The following FHIP1A variants were observed in gnomAD, a reference collection of about 807,000 sequenced individuals.
The protein encoded by FHIP1A is FHF complex subunit HOOK-interacting protein 1A.
Under a neutral mutation model 88.6 loss-of-function variants are expected in FHIP1A, and 61 were observed. The observed-to-expected ratio is 0.69, with a 90% CI of 0.56 to 0.85. The LOEUF is 0.85. FHIP1A is among the 40% of genes least tolerant of loss of function. The pLI is 0.00. For missense variants in FHIP1A, 1,154 were observed against 1,273.5 expected (o/e 0.91, Z 1.43); for synonymous variants, 478 against 496.0 (o/e 0.96, Z 0.48).
intron 3 of FHIP1A, among the ~76,000 whole-genome samples, chr4:151,565,300 C>T (rs951741290): frequency 7.2e-5 from 11 of 152,242 alleles, no homozygotes; most frequent in South Asian, 2.1e-4. Context: ...TCATATTCAC[C>T]GTACACTCTA....
intron 3 of FHIP1A, among the ~76,000 whole-genome samples, chr4:151,514,522 T>G (rs1322014777): frequency 6.6e-6 from 1 of 151,692 alleles, no homozygotes; most frequent in African/African-American, 2.4e-5. Context: ...GGAGCTGGTT[T>G]TTTGAAAGGA....
intron 1 of FHIP1A, among the ~76,000 whole-genome samples, chr4:151,445,540 T>G (rs1194075929): frequency 6.6e-6 from 1 of 151,930 alleles, no homozygotes; most frequent in Non-Finnish European, 1.5e-5. Context: ...CCAGCCCCTA[T>G]CCTCCAGGAG....
chr4:151,412,654 T>A (rs1331197776), intron 1 of FHIP1A, among the ~76,000 whole-genome samples: 1 of 109,610 alleles, frequency 9.1e-6, no homozygotes, highest in Non-Finnish European at 1.8e-5. Context: ...CTGCCTCCCT[T>A]CTTTCTTTCT....
chr4:151,584,383 G>C (rs1426345852), intron 5 of FHIP1A, among the ~76,000 whole-genome samples: 2 of 152,152 alleles, frequency 1.3e-5, no homozygotes, highest in African/African-American at 4.8e-5. Context: ...GAGTGCTGTG[G>C]GAACAGGACA....
intron 1 of FHIP1A, among the ~76,000 whole-genome samples, chr4:151,446,771 A>G (rs1728624798): frequency 6.6e-6 from 1 of 151,964 alleles, no homozygotes; most frequent in Non-Finnish European, 1.5e-5. Flanking sequence ...GCACACTATT[A>G]AAGTTGGTGT....
chr4:151,658,462 G>A (rs779069464), intron 13 of FHIP1A, among the ~76,000 whole-genome samples: 1 of 152,136 alleles, frequency 6.6e-6, no homozygotes, highest in Non-Finnish European at 1.5e-5. Context: ...GAGGTGATGG[G>A]GGTGTTTCTC....
intron 3 of FHIP1A, among the ~76,000 whole-genome samples, chr4:151,528,129 T>G: frequency 6.6e-6 from 1 of 152,238 alleles, no homozygotes. Flanking sequence ...AGCAGCTGCT[T>G]GGTTCTTTTG....
chr4:151,507,044 ATT>A (rs1301792013), intron 3 of FHIP1A, among the ~76,000 whole-genome samples: 1 of 152,122 alleles, frequency 6.6e-6, no homozygotes, highest in African/African-American at 2.4e-5. Flanking sequence ...TCTAGTTGAG[ATT>A]TCCTACCCAG....
intron 1 of FHIP1A, among the ~76,000 whole-genome samples, chr4:151,437,367 TA>T (rs1728241865): frequency 6.6e-6 from 1 of 152,078 alleles, no homozygotes; most frequent in South Asian, 2.1e-4. Flanking sequence ...ATGTTGAATA[TA>T]AGAGCCAACA....
At chr4:151,579,775 TG>T (rs1346664555) in intron 5 of FHIP1A, among the ~76,000 whole-genome samples, 2 of 152,260 alleles carry the variant, frequency 1.3e-5, no homozygotes, top group East Asian at 3.8e-4. Context: ...ATGCAATTTA[TG>T]TTTTAAAAAG....
Position 151,553,626 on chromosome 4 carries a change from A to C in FHIP1A, c.-122-12512A>C, listed in dbSNP as rs572176051. Among the ~76,000 whole-genome samples, 3 of 152,324 alleles carry C rather than the reference A, an allele frequency of 2.0e-5. No homozygotes were observed. The East Asian group carries it at 5.8e-4, about 29-fold the overall frequency. On this transcript the variant is annotated intron_variant, in intron 3 of 13. Coordinates refer to ENST00000435205, the MANE Select transcript of FHIP1A (RefSeq NM_001109977.3). ...AGACTTGACTTAACCAGGGAAATGG[A>C]ATATCTGTAGTGGCTGAAATGCGAA...
chr4:151,649,636 C>G lies in FHIP1A; in HGVS notation c.1595C>G (p.Pro532Arg). 2 of 1,551,710 alleles carry G rather than the reference C, an allele frequency of 1.3e-6. No individual in the cohort carries two copies. Among genetic ancestry groups the G allele is most frequent in the Non-Finnish European group, 1.7e-6 (2 of 1,146,988 alleles). The change falls in exon 11 of 14, where the codon CCT becomes CGT. Residue 532 changes from proline to arginine, a missense_variant. Transcript: ENST00000435205. ...CTGTATGATGGCGACTCCCCCGACC[C>G]TGAGATGTTTCTCCAGAGTCTGACG... The part of the protein sequence containing the change: ...SALYDGDSPD[P>R]EMFLQSLTEE...
chr4:151,594,926 A>G (rs1161466918), intron 7 of FHIP1A, among the ~76,000 whole-genome samples: 2 of 151,960 alleles, frequency 1.3e-5, no homozygotes, highest in African/African-American at 4.8e-5. Flanking sequence ...TTCTTTTTTT[A>G]TTAGCCTGGC....
At chr4:151,453,032 T>C (rs1728848223) in intron 1 of FHIP1A, among the ~76,000 whole-genome samples, 1 of 151,876 alleles carries the variant, frequency 6.6e-6, no homozygotes, top group Non-Finnish European at 1.5e-5. Context: ...TTGTTTTTTT[T>C]TTGAGATGGA....
chr4:151,447,235 G>A (rs1374101607), intron 1 of FHIP1A, among the ~76,000 whole-genome samples: 1 of 152,084 alleles, frequency 6.6e-6, no homozygotes, highest in Non-Finnish European at 1.5e-5. Flanking sequence ...GAAATAGTTT[G>A]TCTGTTTTTG....
rs1728260733 is a variant in FHIP1A, at chr4:151,437,894, A to T, written c.-355-16807A>T. Among the ~76,000 whole-genome samples, 3 of 152,326 alleles carry T rather than the reference A, an allele frequency of 2.0e-5. No homozygotes were observed. The East Asian group carries it at 5.8e-4, about 29-fold the overall frequency. On this transcript the variant is annotated intron_variant, in intron 1 of 13. Coordinates refer to ENST00000435205, the MANE Select transcript of FHIP1A (RefSeq NM_001109977.3). ...CTATGTTCAGTTGTGTAGAAAAGGA[A>T]ACTTCTTTTTTTAGTTTAAAAATAT... is the stretch of plus-strand genomic sequence containing the variant.
chr4:151,411,064 C>T (rs1732619439), intron 1 of FHIP1A, among the ~76,000 whole-genome samples: 1 of 152,108 alleles, frequency 6.6e-6, no homozygotes, highest in African/African-American at 2.4e-5. Context: ...TTTCTTGGCT[C>T]TCATATAAAG....
At chr4:151,588,015 ACTTT>A (rs919806943) in intron 6 of FHIP1A, among the ~76,000 whole-genome samples, 15 of 152,074 alleles carry the variant, frequency 9.9e-5, no homozygotes, top group Admixed American at 4.6e-4. Context: ...TTATTGTTTG[ACTTT>A]CTTTCTCTTT....
intron 3 of FHIP1A, among the ~76,000 whole-genome samples, chr4:151,483,494 C>T (rs1729972725): frequency 6.6e-6 from 1 of 152,106 alleles, no homozygotes; most frequent in Admixed American, 6.5e-5. Flanking sequence ...CACTCTGGTC[C>T]AGTAAAATCA....
Sources: gnomAD v4.1 joint callset for allele counts (sites outside exome capture counted in the v4.1 genomes callset) on GRCh38, gnomAD v4.1.1 for gene constraint, MANE v1.5 for transcripts, NCBI Gene and HGNC (gene_info 2026-07-23, HGNC 2026-07-21) for gene names.